Variants in AHCYL2 observed in about 807,000 individuals in gnomAD.
AHCYL2 encodes S-adenosylhomocysteine hydrolase-like protein 2.
In AHCYL2, 28 loss-of-function variants were observed where a neutral mutation model predicts 81.4. That is an observed-to-expected ratio of 0.34 (90% CI 0.25 to 0.47). The LOEUF (loss-of-function observed/expected upper bound fraction) is 0.47. AHCYL2 is among the 20% of genes least tolerant of loss of function. The pLI, the probability that AHCYL2 is intolerant of heterozygous loss-of-function variation, is 1.00. For missense variants in AHCYL2, 551 were observed against 785.1 expected (o/e 0.70, Z 3.56); for synonymous variants, 272 against 290.2 (o/e 0.94, Z 0.64).
intron 1 of AHCYL2, among the ~76,000 whole-genome samples, chr7:129,267,098 T>C (rs1296656205): frequency 6.6e-6 from 1 of 152,184 alleles, no homozygotes; most frequent in East Asian, 1.9e-4. Context: ...ATGATCATTT[T>C]GTTTTAAGTG....
intron 15 of AHCYL2, among the ~76,000 whole-genome samples, chr7:129,425,447 A>C (rs539478589): frequency 1.3e-5 from 2 of 152,192 alleles, no homozygotes; most frequent in African/African-American, 4.8e-5. Context: ...ATCTTCCCTT[A>C]AAAGAGAAGA....
At chr7:129,332,472 A>G (rs920324678) in intron 1 of AHCYL2, among the ~76,000 whole-genome samples, 3 of 152,248 alleles carry the variant, frequency 2.0e-5, no homozygotes, top group African/African-American at 7.2e-5. Context: ...ATGTAGGCAG[A>G]TGAAATATGT....
intron 1 of AHCYL2, among the ~76,000 whole-genome samples, chr7:129,291,626 A>G (rs1796866824): frequency 6.7e-6 from 1 of 149,418 alleles, no homozygotes; most frequent in African/African-American, 2.5e-5. Flanking sequence ...TTTTTGAGAC[A>G]GGGTCTTGCT....
intron 1 of AHCYL2, among the ~76,000 whole-genome samples, chr7:129,363,442 G>A (rs1794002713): frequency 6.6e-6 from 1 of 152,142 alleles, no homozygotes; most frequent in African/African-American, 2.4e-5. Context: ...TAGTGAGGTT[G>A]CAGTGTTCAA....
chr7:129,357,133 A>G lies in AHCYL2; in HGVS notation c.364-22505A>G, dbSNP rs184249913. On this transcript the variant is annotated intron_variant, in intron 1 of 16. Transcript: ENST00000325006. ...AAAGACAAGGAAAGACTGAGAAGCTATCACGGATTGGAGGATACCAAGGAG... is the reference window on the plus strand; with the variant it reads ...AAAGACAAGGAAAGACTGAGAAGCTGTCACGGATTGGAGGATACCAAGGAG... 2.7e-3 allele frequency among the ~76,000 whole-genome samples: 414 copies of G among 152,318 alleles called. 4 individuals carry two copies. Among genetic ancestry groups the G allele is most frequent in the Middle Eastern group, 6.8e-3 (2 of 294 alleles).
intron 1 of AHCYL2, among the ~76,000 whole-genome samples, chr7:129,253,691 A>G (rs1795316796): frequency 6.6e-6 from 1 of 152,192 alleles, no homozygotes; most frequent in Admixed American, 6.5e-5. Context: ...AGCTCACTAC[A>G]GCTTCGACCT....
Position 129,392,741 on chromosome 7 carries a change from C to T in AHCYL2, c.720+3007C>T, listed in dbSNP as rs186562109. Among the ~76,000 whole-genome samples, 97 of 152,284 alleles carry T rather than the reference C, an allele frequency of 6.4e-4. No individual in the cohort carries two copies. The Middle Eastern group carries it at 0.01, about 16-fold the overall frequency. The stretch of plus-strand genomic sequence containing the variant: ...CAATCCTTAGATCCCACTGGAGTTT[C>T]GCTTGTTGTTCTGATAATATTTTTC... On this transcript the variant is annotated intron_variant, in intron 4 of 16. Transcript: ENST00000325006.
chr7:129,423,166 C>A (rs1021693253), intron 13 of AHCYL2, among the ~76,000 whole-genome samples: 1 of 152,190 alleles, frequency 6.6e-6, no homozygotes, highest in African/African-American at 2.4e-5. Flanking sequence ...CCACGTCAAT[C>A]CACAGGTTGA....
chr7:129,405,317 A>C, intron 8 of AHCYL2, 104 bp downstream of exon 8: 1 of 638,832 alleles, frequency 1.6e-6, no homozygotes, highest in Non-Finnish European at 2.6e-6. Flanking sequence ...ACCTCTGGAT[A>C]ATGTCTCCAT....
At chr7:129,353,129 G>A (rs1793625580) in intron 1 of AHCYL2, among the ~76,000 whole-genome samples, 1 of 151,896 alleles carries the variant, frequency 6.6e-6, no homozygotes, top group Non-Finnish European at 1.5e-5. Context: ...TATACTTTTA[G>A]TAGAGATGGG....
intron 1 of AHCYL2, among the ~76,000 whole-genome samples, chr7:129,367,818 T>A (rs189858449): frequency 2.0e-5 from 3 of 152,326 alleles, no homozygotes; most frequent in African/African-American, 7.2e-5. Flanking sequence ...ATTCTGATTT[T>A]GAAAAAGATC....
intron 11 of AHCYL2, chr7:129,410,349 G>A (rs957151949): frequency 5.1e-5 from 83 of 1,614,040 alleles, no homozygotes; most frequent in Non-Finnish European, 6.4e-5. Flanking sequence ...AGCTCTAGGC[G>A]TGTTGGTTTC....
rs1158330725 is a variant in AHCYL2 at position 129,419,506 on chromosome 7, A to G, written c.1462-3334A>G. On this transcript the variant is annotated intron_variant, in intron 12 of 16. Transcript: ENST00000325006. The surrounding 1 kb of genome is among the most constrained non-coding windows in gnomAD (Gnocchi z 4.7). ...GAGGCGGAGGTTGCAGTGAGCCAAG[A>G]TCACGCCACTGCACTCTAGCCTGGA... 6.6e-6 allele frequency among the ~76,000 whole-genome samples: 1 copy of G among 152,128 alleles called. No homozygotes were observed. Among genetic ancestry groups the G allele is most frequent in the Non-Finnish European group, 1.5e-5 (1 of 68,020 alleles).
At chr7:129,254,057 T>A (rs1795329470) in intron 1 of AHCYL2, among the ~76,000 whole-genome samples, 1 of 152,172 alleles carries the variant, frequency 6.6e-6, no homozygotes, top group South Asian at 2.1e-4. Context: ...TATTACAGAA[T>A]AAGAATTCAA....
At chr7:129,236,524 A>G (rs934371182) in intron 1 of AHCYL2, among the ~76,000 whole-genome samples, 3 of 151,414 alleles carry the variant, frequency 2.0e-5, no homozygotes, top group Admixed American at 6.6e-5. Flanking sequence ...TGTTTTTTGT[A>G]GAGATGGGGT....
At chr7:129,357,839 CAGG>C (rs986621943) in intron 1 of AHCYL2, among the ~76,000 whole-genome samples, 31 of 150,152 alleles carry the variant, frequency 2.1e-4, no homozygotes, top group African/African-American at 7.4e-4. Context: ...GAGGCTGAGG[CAGG>C]AGAATAGCGT....
chr7:129,340,395 G>A (rs565679552), intron 1 of AHCYL2, among the ~76,000 whole-genome samples: 76 of 150,968 alleles, frequency 5.0e-4, no homozygotes, highest in East Asian at 5.9e-4. Context: ...GTGAAACCCC[G>A]TCTCTACTAA....
At chr7:129,274,696 T>C (rs929423785) in intron 1 of AHCYL2, among the ~76,000 whole-genome samples, 3 of 152,108 alleles carry the variant, frequency 2.0e-5, no homozygotes, top group African/African-American at 7.2e-5. Flanking sequence ...TGCTTGCACA[T>C]AGAACCCGGT....
chr7:129,250,384 G>C (rs561870219), intron 1 of AHCYL2, among the ~76,000 whole-genome samples: 114 of 152,250 alleles, frequency 7.5e-4, no homozygotes, highest in African/African-American at 2.5e-3. Flanking sequence ...GTTGATTATT[G>C]TGTTGATCTT....
Sources: gnomAD v4.1 joint callset for allele counts (sites outside exome capture counted in the v4.1 genomes callset) on GRCh38, gnomAD v4.1.1 for gene constraint, Gnocchi (gnomAD v3.1) non-coding constraint, MANE v1.5 for transcripts, NCBI Gene and HGNC (gene_info 2026-07-23, HGNC 2026-07-21) for gene names.